KIF26B: variants seen among roughly 807,000 people sequenced by gnomAD.
KIF26B encodes kinesin family member 26B, also known as kinesin-like protein KIF26B.
Under a neutral mutation model 151.2 loss-of-function variants are expected in KIF26B, and 63 were observed. That is an observed-to-expected ratio of 0.42 (90% CI 0.34 to 0.51). KIF26B has a LOEUF of 0.51. KIF26B is among the 20% of genes least tolerant of loss of function. The probability of loss-of-function intolerance (pLI) is 0.07; values close to 1 mark genes in which losing one functional copy is unlikely to be tolerated. For synonymous variants in KIF26B, 1,357 were observed against 1,262.1 expected (o/e 1.08, Z -1.59); for missense variants, 2,813 against 2,913.6 (o/e 0.97, Z 0.79).
rs1179896247 is a variant in KIF26B, at chr1:245,702,490, C to G, written c.6211C>G (p.Leu2071Val). The stretch of plus-strand genomic sequence containing the variant: ...GGAGCAGGTTTGGGAGCTGGATTCC[C>G]TGGAGTACCTGGAGGCACTGGAGTG... ...DLEQVWELDS[L>V]EYLEALECVT... is the part of the protein sequence containing the mutation. The change falls in exon 15 of 15, where the codon CTG (leucine) becomes GTG (valine). Residue 2071 changes from leucine to valine, a missense_variant. Coordinates refer to ENST00000407071, the MANE Select transcript of KIF26B (RefSeq NM_018012.4). The surrounding 1 kb of genome is among the most constrained non-coding windows in gnomAD (Gnocchi z 4.1). The G allele has an allele frequency of 6.2e-6, 10 of 1,613,906 alleles. No homozygotes were observed. The South Asian group carries it at 9.9e-5, about 16-fold the overall frequency.
chr1:245,450,920 A>T (rs1659375979), intron 4 of KIF26B, among the ~76,000 whole-genome samples: 1 of 152,212 alleles, frequency 6.6e-6, no homozygotes, highest in African/African-American at 2.4e-5. Context: ...AATTTTTAAG[A>T]TAGATATGCT....
intron 3 of KIF26B, among the ~76,000 whole-genome samples, chr1:245,414,043 G>A (rs1674357685): frequency 6.6e-6 from 1 of 152,264 alleles, no homozygotes; most frequent in South Asian, 2.1e-4. Context: ...ATCCAGTAAA[G>A]CCTGTCCTTA....
At chr1:245,451,570 A>C (rs939140112) in intron 4 of KIF26B, among the ~76,000 whole-genome samples, 1 of 124,136 alleles carries the variant, frequency 8.1e-6, no homozygotes, top group Non-Finnish European at 1.7e-5. Context: ...TATAATATGT[A>C]TCCAGAAGAT....
rs538130980 is a variant in KIF26B, at chr1:245,569,379, G to A, written c.1350+28429G>A. Reference sequence around the variant, plus strand: ...TCCCAGCACTTTGGGAGGCTGAGACGGGAGGATTATTTGAGTTTAGGAGTT... The same window carrying A: ...TCCCAGCACTTTGGGAGGCTGAGACAGGAGGATTATTTGAGTTTAGGAGTT... On this transcript the variant is annotated intron_variant, in intron 5 of 14. Transcript: ENST00000407071. 7.3e-3 allele frequency among the ~76,000 whole-genome samples: 1,108 copies of A among 152,176 alleles called. 6 individuals carry two copies. The highest frequency in any genetic ancestry group is 0.012 in the Non-Finnish European group (835 of 67,990).
At chr1:245,177,777 G>T (rs899786324) in intron 2 of KIF26B, among the ~76,000 whole-genome samples, 3 of 152,038 alleles carry the variant, frequency 2.0e-5, no homozygotes, top group Non-Finnish European at 4.4e-5. Context: ...CCCTTCAAAT[G>T]AGACTAGGAG....
In KIF26B at chr1:245,708,766, A is replaced by T. The variant is rs2044871673; in HGVS notation, c.*6160A>T. 1 of 152,242 alleles carries T rather than the reference A, an allele frequency of 6.6e-6. No individual in the cohort carries two copies. The highest frequency in any genetic ancestry group is 6.5e-5 in the Admixed American group (1 of 15,290). The allele number at this position is 152,242 out of a possible 1,614,324, so 9.4% of individuals were successfully genotyped here. On this transcript the variant is annotated 3_prime_UTR_variant, in exon 15 of 15. Transcript: ENST00000407071. ...CTATAAAATGAAGACATTGTGCTAG[A>T]TGATCTTTGTGGTTCCTTCAAGCTC... is the stretch of plus-strand genomic sequence containing the variant.
chr1:245,673,087 G>C (rs543136571), intron 10 of KIF26B, among the ~76,000 whole-genome samples: 190 of 95,432 alleles, frequency 2.0e-3, no homozygotes, highest in Middle Eastern at 0.015. Context: ...GTCCCCGCTG[G>C]GCGCTGCCAT....
intron 5 of KIF26B, among the ~76,000 whole-genome samples, chr1:245,544,305 G>T (rs77510629): frequency 0.018 from 2,748 of 152,270 alleles, 100 homozygotes; most frequent in African/African-American, 0.062. Context: ...CAAGTTTGAT[G>T]GAATTCCCAA....
intron 2 of KIF26B, among the ~76,000 whole-genome samples, chr1:245,360,939 G>A (rs7527025): frequency 0.017 from 2,634 of 152,208 alleles, 44 homozygotes; most frequent in Non-Finnish European, 0.029. Context: ...GCTTGATGCA[G>A]TGAGCCAAAA....
intron 2 of KIF26B, among the ~76,000 whole-genome samples, chr1:245,361,500 G>A (rs1672818384): frequency 6.6e-6 from 1 of 152,220 alleles, no homozygotes; most frequent in African/African-American, 2.4e-5. Flanking sequence ...CCGCACCATT[G>A]TGTGATCACC....
intron 4 of KIF26B, among the ~76,000 whole-genome samples, chr1:245,535,174 C>G (rs371407075): frequency 2.6e-4 from 39 of 152,262 alleles, no homozygotes; most frequent in African/African-American, 9.1e-4. Flanking sequence ...CCTTAACCTT[C>G]TCTTCTCTGT....
Position 245,540,093 on chromosome 1 carries a change from A to AC in KIF26B, c.1167-670dup, listed in dbSNP as rs1256234277. Among the ~76,000 whole-genome samples the AC allele has an allele frequency of 2.0e-5, 3 of 151,772 alleles. No individual in the cohort carries two copies. The highest frequency in any genetic ancestry group is 2.1e-4 in the South Asian group (1 of 4,794). On this transcript the variant is annotated intron_variant, in intron 4 of 14. Coordinates refer to ENST00000407071, the MANE Select transcript of KIF26B (RefSeq NM_018012.4). The surrounding 1 kb of genome is among the most constrained non-coding windows in gnomAD (Gnocchi z 4.6). ...ACTCTGTGCCCCCTTCAGTGCTTTG[A>AC]CCCCTTACTCCTCGCACTTGACCAT... is the stretch of plus-strand genomic sequence containing the variant.
intron 2 of KIF26B, among the ~76,000 whole-genome samples, chr1:245,157,271 C>T (rs570651984): frequency 6.6e-6 from 1 of 152,240 alleles, no homozygotes; most frequent in African/African-American, 2.4e-5. Flanking sequence ...GCCAAGCACA[C>T]TGGTTCCTCC....
At chr1:245,632,991 T>C (rs114248816) in intron 9 of KIF26B, among the ~76,000 whole-genome samples, 8,821 of 152,242 alleles carry the variant, frequency 0.058, 545 homozygotes, top group African/African-American at 0.15. Context: ...CTAATGATAA[T>C]TGTTTTATAT....
intron 2 of KIF26B, among the ~76,000 whole-genome samples, chr1:245,300,365 A>G (rs1157600200): frequency 6.6e-6 from 1 of 152,054 alleles, no homozygotes; most frequent in Non-Finnish European, 1.5e-5. Context: ...TGGGGATTGG[A>G]CCCAGTAGAA....
At chr1:245,243,976 G>C (rs1432308465) in intron 2 of KIF26B, among the ~76,000 whole-genome samples, 2 of 152,126 alleles carry the variant, frequency 1.3e-5, no homozygotes, top group African/African-American at 4.8e-5. Context: ...GTCTCACTCT[G>C]ATGTCCAGGT....
At chr1:245,623,992 G>A (rs150236614) in intron 9 of KIF26B, among the ~76,000 whole-genome samples, 1 of 152,094 alleles carries the variant, frequency 6.6e-6, no homozygotes, top group East Asian at 1.9e-4. Flanking sequence ...TCATGAGGAT[G>A]GATGTCCCCC....
intron 2 of KIF26B, among the ~76,000 whole-genome samples, chr1:245,331,189 C>T (rs1371420634): frequency 3.3e-5 from 5 of 151,992 alleles, no homozygotes; most frequent in African/African-American, 4.8e-5. Context: ...TCATTCCGCG[C>T]GAGTGACCGA....
intron 2 of KIF26B, among the ~76,000 whole-genome samples, chr1:245,276,741 T>C (rs78394177): frequency 3.7e-3 from 568 of 152,328 alleles, no homozygotes; most frequent in African/African-American, 0.013. Context: ...CAGCCTGAGA[T>C]GCAGGAGCCT....
Sources: allele counts gnomAD v4.1 joint callset (sites outside exome capture counted in the v4.1 genomes callset), GRCh38; gene constraint gnomAD v4.1.1; non-coding constraint Gnocchi (gnomAD v3.1); transcripts MANE v1.5; gene names NCBI Gene and HGNC (gene_info 2026-07-23, HGNC 2026-07-21).